Variants in TRHDE observed in about 807,000 individuals in gnomAD.
The protein encoded by TRHDE is thyrotropin releasing hormone degrading enzyme.
A neutral mutation model predicts 125.7 loss-of-function variants in TRHDE; 72 were observed. That is an observed-to-expected ratio of 0.57 (90% CI 0.47 to 0.70). The LOEUF is 0.70. Among genes scored for constraint, TRHDE ranks in the 30% least tolerant of loss-of-function variants. The pLI is 0.00. For missense variants in TRHDE, 1,110 were observed against 1,327.1 expected, an observed-to-expected ratio of 0.84 and a Z score of 2.54; for synonymous variants, 509 against 509.1, an observed-to-expected ratio of 1.00 and a Z score of 0.00.
intron 15 of TRHDE, among the ~76,000 whole-genome samples, chr12:72,630,730 T>C (rs1873459288): frequency 6.6e-6 from 1 of 151,700 alleles, no homozygotes; most frequent in South Asian, 2.1e-4. Flanking sequence ...ATAAAAATAC[T>C]GAGGATGCAG....
At chr12:72,500,396 CTTTT>C (rs200145339) in intron 6 of TRHDE, among the ~76,000 whole-genome samples, 2 of 151,302 alleles carry the variant, frequency 1.3e-5, no homozygotes, top group Non-Finnish European at 3.0e-5. Flanking sequence ...TTTCTATGTA[CTTTT>C]TTTTTCTTTT....
At chr12:72,612,359 T>C (rs1039334085) in intron 12 of TRHDE, among the ~76,000 whole-genome samples, 1 of 152,180 alleles carries the variant, frequency 6.6e-6, no homozygotes, top group Non-Finnish European at 1.5e-5. Flanking sequence ...TATATGTGTA[T>C]TAAGTCTAAT....
chr12:72,429,362 A>AATAATG (rs1257709212), intron 3 of TRHDE, among the ~76,000 whole-genome samples: 8 of 149,372 alleles, frequency 5.4e-5, no homozygotes, highest in African/African-American at 2.0e-4. Flanking sequence ...TAATAATAAT[A>AATAATG]ATAATAATAA....
chr12:72,106,222 A>G (rs1875183974), intron 2 of TRHDE, among the ~76,000 whole-genome samples: 1 of 152,176 alleles, frequency 6.6e-6, no homozygotes, highest in Non-Finnish European at 1.5e-5. Flanking sequence ...TGAAAAAGTG[A>G]AACTAACCAT....
chr12:72,257,338 AT>A (rs1878842021), intron 2 of TRHDE: 1 of 152,198 alleles, frequency 6.6e-6, no homozygotes, highest in Non-Finnish European at 1.5e-5. Context: ...ACTATTAAAA[AT>A]ATTATATTAA....
intron 2 of TRHDE, among the ~76,000 whole-genome samples, chr12:72,320,114 A>G (rs1350499135): frequency 6.6e-6 from 1 of 151,992 alleles, no homozygotes; most frequent in Admixed American, 6.6e-5. Flanking sequence ...TTTCTCAATT[A>G]TTTTAGTCTT....
chr12:72,166,543 T>C (rs1566260392), intron 2 of TRHDE, among the ~76,000 whole-genome samples: 1 of 152,204 alleles, frequency 6.6e-6, no homozygotes, highest in Non-Finnish European at 1.5e-5. Flanking sequence ...TGGCAGTGTC[T>C]GATTCACCAA....
intron 2 of TRHDE, among the ~76,000 whole-genome samples, chr12:72,241,843 A>G (rs1391067154): frequency 6.6e-6 from 1 of 152,118 alleles, no homozygotes; most frequent in African/African-American, 2.4e-5. Flanking sequence ...GTTTTTTTCA[A>G]CGTAGTCATT....
intron 6 of TRHDE, among the ~76,000 whole-genome samples, chr12:72,519,071 C>T (rs1156765702): frequency 6.6e-6 from 1 of 152,112 alleles, no homozygotes; most frequent in Non-Finnish European, 1.5e-5. Flanking sequence ...CTCTGGCTGC[C>T]CTTAACATTT....
At chr12:72,506,309 TCAAACAAA>T (rs561842787) in intron 6 of TRHDE, among the ~76,000 whole-genome samples, 36 of 152,130 alleles carry the variant, frequency 2.4e-4, no homozygotes, top group East Asian at 1.9e-3. Flanking sequence ...AAATCCTATT[TCAAACAAA>T]CAAACAAACA....
intron 12 of TRHDE, among the ~76,000 whole-genome samples, chr12:72,608,198 A>G (rs1467687950): frequency 1.3e-5 from 2 of 152,172 alleles, no homozygotes; most frequent in Non-Finnish European, 2.9e-5. Context: ...GCCATATGCC[A>G]TTATTTGAGT....
chr12:72,242,221 C>A (rs10748192), intron 2 of TRHDE, among the ~76,000 whole-genome samples: 117,828 of 152,122 alleles, frequency 0.77, 46,432 homozygotes, highest in Non-Finnish European at 0.85. Context: ...GTCATGAAGA[C>A]TTTCTTTGAA....
chr12:72,414,846 A>G (rs970128838), intron 3 of TRHDE, among the ~76,000 whole-genome samples: 12 of 152,128 alleles, frequency 7.9e-5, no homozygotes, highest in African/African-American at 2.4e-4. Context: ...TTATTACAAC[A>G]TAGTCGTGAT....
Position 72,425,760 on chromosome 12 carries a change from T to G in TRHDE, c.1316-43998T>G, listed in dbSNP as rs568864765. Among the ~76,000 whole-genome samples, 7 of 150,050 alleles carry G rather than the reference T, an allele frequency of 4.7e-5. 1 individual carries two copies. The East Asian group carries it at 1.2e-3, about 25-fold the overall frequency. ...CCTCTTATTATTGGTGGAAATTAACTAATTAACTAGTTAATTAATTAATTT... is the reference window on the plus strand; with the variant it reads ...CCTCTTATTATTGGTGGAAATTAACGAATTAACTAGTTAATTAATTAATTT... On this transcript the variant is annotated intron_variant, in intron 3 of 18. Coordinates refer to ENST00000261180, the MANE Select transcript of TRHDE (RefSeq NM_013381.3).
At position 72,192,040 on chromosome 12, in the gene TRHDE, T is replaced by C. The variant is rs59411075; in HGVS notation, n.279+86288T>C. On this transcript the variant is annotated intron_variant and non_coding_transcript_variant, in intron 2 of 4. Coordinates refer to the TRHDE transcript ENST00000548156. ...AAGGTCTGTACTTTCCAGATCTCAC[T>C]TTGTGCATCTGCTGACCTCCTTTCC... Among the ~76,000 whole-genome samples the C allele has an allele frequency of 5.4e-3, 827 of 152,288 alleles. 41 individuals carry two copies. In the East Asian group the frequency reaches 0.11, roughly 21 times the overall value.
chr12:72,580,041 A>G (rs992867023), intron 12 of TRHDE, among the ~76,000 whole-genome samples: 3 of 152,156 alleles, frequency 2.0e-5, no homozygotes, highest in African/African-American at 7.2e-5. Context: ...TTTCCATTCA[A>G]TATAAATTTT....
At chr12:72,203,204 G>C (rs2139356230) in intron 2 of TRHDE, among the ~76,000 whole-genome samples, 1 of 152,288 alleles carries the variant, frequency 6.6e-6, no homozygotes, top group Non-Finnish European at 1.5e-5. Context: ...GCTCACACCT[G>C]TAATCCCAGC....
intron 12 of TRHDE, among the ~76,000 whole-genome samples, chr12:72,597,666 T>TCAAAAA (rs1872001398): frequency 1.3e-5 from 1 of 75,670 alleles, no homozygotes; most frequent in Non-Finnish European, 2.3e-5. Flanking sequence ...AGACCTTGTC[T>TCAAAAA]AAAAAAAAAA....
At chr12:72,180,692 G>T (rs1877078712) in intron 2 of TRHDE, among the ~76,000 whole-genome samples, 1 of 152,114 alleles carries the variant, frequency 6.6e-6, no homozygotes, top group African/African-American at 2.4e-5. Flanking sequence ...TTGAGTTCTA[G>T]CCAATGAATG....
Sources: gnomAD v4.1 joint callset for allele counts (sites outside exome capture counted in the v4.1 genomes callset) on GRCh38, gnomAD v4.1.1 for gene constraint, MANE v1.5 for transcripts, NCBI Gene and HGNC (gene_info 2026-07-23, HGNC 2026-07-21) for gene names.